ABR: variants seen among roughly 807,000 people sequenced by gnomAD.
The protein encoded by ABR is active breakpoint cluster region-related protein.
In ABR, 35 loss-of-function variants were observed where a neutral mutation model predicts 107.2. That is an observed-to-expected ratio of 0.33 (90% CI 0.25 to 0.43). The LOEUF is 0.43. Among genes scored for constraint, ABR ranks in the 20% least tolerant of loss-of-function variants. The pLI is 1.00. For synonymous variants in ABR, 498 were observed against 462.0 expected, an observed-to-expected ratio of 1.08 and a Z score of -1.00; for missense variants, 815 against 1,115.2, an observed-to-expected ratio of 0.73 and a Z score of 3.83.
chr17:1,101,042 T>C, intron 2 of ABR: 4 of 379,340 alleles, frequency 1.1e-5, no homozygotes, highest in East Asian at 5.3e-5. Flanking sequence ...CAGGCTGATA[T>C]AGAACTCCTG....
chr17:1,032,020 T>G (rs1238103035), intron 16 of ABR, among the ~76,000 whole-genome samples: 10 of 149,214 alleles, frequency 6.7e-5, no homozygotes, highest in African/African-American at 2.5e-4. Context: ...CAACCCCGGG[T>G]TTCATCCCTG....
intron 1 of ABR, among the ~76,000 whole-genome samples, chr17:1,133,017 C>G (rs145794755): frequency 1.3e-5 from 2 of 152,034 alleles, no homozygotes; most frequent in African/African-American, 2.4e-5. Flanking sequence ...CCGAAGTGGA[C>G]GGATCACCTG....
exon 1 of ABR, among the ~76,000 whole-genome samples, chr17:1,229,601 G>C (rs1169210694): frequency 2.6e-5 from 4 of 151,660 alleles, no homozygotes; most frequent in African/African-American, 7.3e-5. Context: ...CGGCCCGCCA[G>C]CGCCGCTCGA....
Position 1,091,834 on chromosome 17 carries a change from T to C in ABR, c.362A>G (p.Lys121Arg). 6.2e-7 allele frequency: 1 copy of C among 1,612,982 alleles called. No individual in the cohort carries two copies. The highest frequency in any genetic ancestry group is 8.5e-7 in the Non-Finnish European group (1 of 1,179,436). ...EALLLPMKPL[K>R]ATATTSQPVL... ...GGGCTGGGAGGTGGTGGCGGTGGCC[T>C]TCAGGGGTTTCATGGGCTGGGAGAA... is the stretch of plus-strand genomic sequence containing the variant. Residue 121 changes from lysine to arginine, a missense_variant, in exon 4 of 23, where the codon AAG becomes AGG. This residue lies in a region of ABR where 385 missense variants were observed against 596.9 expected (regional missense o/e 0.64). Transcript: ENST00000302538.
At chr17:1,198,876 G>A (rs1401318504) in intron 1 of ABR, among the ~76,000 whole-genome samples, 1 of 145,210 alleles carries the variant, frequency 6.9e-6, no homozygotes, top group East Asian at 2.2e-4. Flanking sequence ...CTTGGGATCC[G>A]CCCGCCTCAG....
In ABR at chr17:1,179,002, T is replaced by C. The variant is rs779927134; in HGVS notation, c.61+665A>G. Among the ~76,000 whole-genome samples the C allele has an allele frequency of 1.6e-4, 24 of 150,258 alleles. No homozygotes were observed. The highest frequency in any genetic ancestry group is 2.8e-4 in the Non-Finnish European group (19 of 67,718). ...GAGGGGGTGGAGAACTCGAGAAGGT[T>C]TGTTTTTTTTTTCTTCTGAGGGTGG... On this transcript the variant is annotated intron_variant, in intron 1 of 22. Coordinates refer to ENST00000302538, the MANE Select transcript of ABR (RefSeq NM_021962.5). This position sits in a 1 kb window ranked among gnomAD's most constrained non-coding sequence, Gnocchi z 4.9.
chr17:1,190,507 G>A (rs184827899), upstream of ABR, among the ~76,000 whole-genome samples: 35 of 152,302 alleles, frequency 2.3e-4, 1 homozygote, highest in East Asian at 6.6e-3. Context: ...GGTGGTGGGT[G>A]CCTGTAATCC....
chr17:1,096,901 G>A (rs570508965), intron 3 of ABR, among the ~76,000 whole-genome samples: 6 of 148,284 alleles, frequency 4.0e-5, no homozygotes, highest in Non-Finnish European at 9.0e-5. Context: ...CTGGGGAAGG[G>A]GGGAAACCTG....
chr17:1,226,707 G>A (rs530906120), intron 1 of ABR, among the ~76,000 whole-genome samples: 34 of 47,686 alleles, frequency 7.1e-4, no homozygotes, highest in African/African-American at 2.6e-3. Context: ...GTGTGTGTGT[G>A]TGCATGCATG....
chr17:1,163,203 T>G (rs191189034), intron 1 of ABR, among the ~76,000 whole-genome samples: 5 of 152,366 alleles, frequency 3.3e-5, no homozygotes, highest in African/African-American at 1.2e-4. Context: ...ACAGACAAAG[T>G]GCCTGCAACA....
In ABR at chr17:1,147,844, G is replaced by A. The variant is rs2040618581; in HGVS notation, c.62-22477C>T. On this transcript the variant is annotated intron_variant, in intron 1 of 22. Transcript: ENST00000302538. ...GCCAGCCTCATGGCAAGCTGCAGCC[G>A]CCCTTTTCCCATTCAGGAGAGAAGC... Among the ~76,000 whole-genome samples, 6 of 152,282 alleles carry A rather than the reference G, an allele frequency of 3.9e-5. 1 individual carries two copies. The South Asian group carries it at 6.2e-4, about 16-fold the overall frequency.
intron 1 of ABR, among the ~76,000 whole-genome samples, chr17:1,226,507 G>A (rs116179361): frequency 0.15 from 22,907 of 150,866 alleles, 2,648 homozygotes; most frequent in African/African-American, 0.33. Flanking sequence ...AGGTGTGCAT[G>A]TGTGTGCATG....
intron 1 of ABR, among the ~76,000 whole-genome samples, chr17:1,213,518 T>G (rs2042941799): frequency 6.6e-6 from 1 of 152,042 alleles, no homozygotes; most frequent in Admixed American, 6.6e-5. Context: ...GCCTCCTGAG[T>G]AGCTTGGATT....
At chr17:1,024,047 A>AAAAAAAAAAAACAAAAAAAAAC in intron 16 of ABR, among the ~76,000 whole-genome samples, 1 of 149,724 alleles carries the variant, frequency 6.7e-6, no homozygotes, top group Non-Finnish European at 1.5e-5. Flanking sequence ...AAAAAAAAAA[A>AAAAAAAAAAAACAAAAAAAAAC]AAGCAGCATC....
chr17:1,031,974 G>C (rs957128352), intron 16 of ABR: 1 of 764,282 alleles, frequency 1.3e-6, no homozygotes, highest in Non-Finnish European at 1.7e-6. Flanking sequence ...CAGGCTGAGC[G>C]CCGCCTCCCA....
At chr17:1,139,344 C>T (rs181797145) in intron 1 of ABR, among the ~76,000 whole-genome samples, 1,538 of 152,230 alleles carry the variant, frequency 0.01, 30 homozygotes, top group African/African-American at 0.035. Flanking sequence ...CTCCGCCTCC[C>T]GGGTTCAAGC....
At chr17:1,056,890 G>C in intron 13 of ABR, 108 bp downstream of exon 13, 1 of 736,208 alleles carries the variant, frequency 1.4e-6, no homozygotes, top group East Asian at 2.7e-5. Flanking sequence ...CAGCCGAGCA[G>C]GGATCAGCCA....
rs1314012252 is a variant in ABR at position 1,073,452 on chromosome 17, A to G, written c.753+173T>C. Among the ~76,000 whole-genome samples, 3 of 152,060 alleles carry G rather than the reference A, an allele frequency of 2.0e-5. No individual in the cohort carries two copies. In the East Asian group the frequency reaches 5.8e-4, roughly 30 times the overall value. On this transcript the variant is annotated intron_variant, in intron 7 of 22. Coordinates refer to ENST00000302538, the MANE Select transcript of ABR (RefSeq NM_021962.5). ...CAAGCTTAGTAGCCAAGCTGTATTC[A>G]GGCCCTAGCCTGGCGGCATGGATAC...
intron 1 of ABR, among the ~76,000 whole-genome samples, chr17:1,218,520 G>A (rs181648743): frequency 1.2e-4 from 18 of 152,270 alleles, no homozygotes; most frequent in Non-Finnish European, 2.4e-4. Context: ...TCCAATCCTG[G>A]CTCTGTCCTT....
Sources: gnomAD v4.1 joint callset for allele counts (sites outside exome capture counted in the v4.1 genomes callset) on GRCh38, gnomAD v4.1.1 for gene constraint, gnomAD v4.1.1 regional missense constraint, Gnocchi (gnomAD v3.1) non-coding constraint, MANE v1.5 for transcripts, NCBI Gene and HGNC (gene_info 2026-07-23, HGNC 2026-07-21) for gene names.